Variants in VSIG10 observed in about 807,000 individuals in gnomAD.
The protein encoded by VSIG10 is V-set and immunoglobulin domain containing 10, also known as V-set and immunoglobulin domain-containing protein 10.
In VSIG10, 48 loss-of-function variants were observed where a neutral mutation model predicts 58.7. That is an observed-to-expected ratio of 0.82 (90% CI 0.65 to 1.04). The LOEUF (loss-of-function observed/expected upper bound fraction) is 1.04, where lower values mean the gene tolerates loss of function less well. Among genes scored for constraint, VSIG10 ranks in the 50% least tolerant of loss-of-function variants. The pLI is 0.00. For missense variants in VSIG10, 628 were observed against 670.0 expected, an observed-to-expected ratio of 0.94 and a Z score of 0.69; for synonymous variants, 260 against 267.1, an observed-to-expected ratio of 0.97 and a Z score of 0.26.
chr12:118,067,182 C>T (rs982763140), intron 8 of VSIG10, among the ~76,000 whole-genome samples: 2 of 151,938 alleles, frequency 1.3e-5, no homozygotes, highest in Admixed American at 6.6e-5. Context: ...ATGCCACACA[C>T]CCAGCTAATT....
chr12:118,098,623 A>G (rs867814547), intron 1 of VSIG10, among the ~76,000 whole-genome samples: 1 of 152,162 alleles, frequency 6.6e-6, no homozygotes, highest in Non-Finnish European at 1.5e-5. Context: ...AAGGCCTCAG[A>G]GAAAGGGCTC....
Position 118,095,457 on chromosome 12 carries a change from T to C in VSIG10, c.361+76A>G, listed in dbSNP as rs2033420010. The stretch of plus-strand genomic sequence containing the variant: ...CCAGGCCATCCGAACCCAAAACCCA[T>C]ATTCCTGACCATGGTCTCCTCCTTT... On this transcript the variant is annotated intron_variant, in intron 2 of 8. Transcript: ENST00000359236. The C allele has an allele frequency of 3.8e-6, 6 of 1,568,500 alleles. No homozygotes were observed. The East Asian group carries it at 6.7e-5, about 18-fold the overall frequency.
In VSIG10 at chr12:118,100,354, G is replaced by A. The variant is rs558968235; in HGVS notation, c.79+3239C>T. ...CTACTAAAAATACAAAAAGTTAGCC[G>A]GGCGTGGTGGCGCACACCTGTAATC... On this transcript the variant is annotated intron_variant, in intron 1 of 8. Transcript: ENST00000359236. Among the ~76,000 whole-genome samples the A allele has an allele frequency of 2.5e-3, 382 of 152,198 alleles. 1 individual carries two copies. Among genetic ancestry groups the A allele is most frequent in the African/African-American group, 8.8e-3 (365 of 41,564 alleles).
chr12:118,068,732 G>T (rs1356681122), intron 7 of VSIG10, 135 bp from the exon 8 acceptor site: 5 of 1,158,086 alleles, frequency 4.3e-6, no homozygotes, highest in Non-Finnish European at 5.9e-6. Context: ...GAAGTAATGA[G>T]GTGATGGTGT....
chr12:118,073,039 G>A lies in VSIG10; in HGVS notation c.1219+660C>T, dbSNP rs540502436. 3.3e-5 allele frequency among the ~76,000 whole-genome samples: 5 copies of A among 150,440 alleles called. 1 individual carries two copies. The highest frequency in any genetic ancestry group is 4.2e-4 in the South Asian group (2 of 4,708). On this transcript the variant is annotated intron_variant, in intron 5 of 8. Coordinates refer to ENST00000359236, the MANE Select transcript of VSIG10 (RefSeq NM_019086.6). ...CACCCAAGCTGAAGTGCAGTGGTGT[G>A]ATCTCGGCTCACTGCAACCTTCGCC...
rs2032175992 is a variant in VSIG10, at chr12:118,064,350, T to G, written c.*2289A>C. On this transcript the variant is annotated 3_prime_UTR_variant, in exon 9 of 9. Transcript: ENST00000359236. ...AGTGGAAAAACCCTCAAATATTTCC[T>G]ATCAACAGATGTGTGTGCTAGAGAA... 1 of 151,922 alleles carries G rather than the reference T, an allele frequency of 6.6e-6. No individual in the cohort carries two copies. 9.4% of individuals were successfully genotyped at this position (151,922 alleles called of 1,614,324 possible). A position where few individuals can be genotyped will look rare whatever the true frequency, so the allele number is the denominator to read the frequency against.
At chr12:118,099,163 C>T (rs1048644150) in intron 1 of VSIG10, among the ~76,000 whole-genome samples, 4 of 152,012 alleles carry the variant, frequency 2.6e-5, no homozygotes, top group Non-Finnish European at 4.4e-5. Flanking sequence ...CTGAGGTGGG[C>T]GGATCACTTG....
intron 5 of VSIG10, 103 bp downstream of exon 5, chr12:118,073,596 G>A: frequency 7.4e-7 from 1 of 1,347,414 alleles, no homozygotes; most frequent in Non-Finnish European, 1.0e-6. Flanking sequence ...CTCCCAGTTG[G>A]CAGTGACCCA....
Position 118,066,450 on chromosome 12 carries a change from CA to C in VSIG10, c.*188del. The stretch of plus-strand genomic sequence containing the variant: ...ATCATTGGGAAAACTTAGAGCAAAT[CA>C]AACCAATGTTTTTCAATACATGGAA... On this transcript the variant is annotated 3_prime_UTR_variant, in exon 9 of 9. Transcript: ENST00000359236. 1 of 637,708 alleles carries C rather than the reference CA, an allele frequency of 1.6e-6. No individual in the cohort carries two copies. 39.5% of individuals were successfully genotyped at this position (637,708 alleles called of 1,614,324 possible).
intron 3 of VSIG10, among the ~76,000 whole-genome samples, chr12:118,079,919 G>A (rs1322214091): frequency 2.0e-5 from 3 of 152,070 alleles, no homozygotes; most frequent in African/African-American, 4.8e-5. Context: ...CTGTAACCTC[G>A]ACCTCCCAGG....
At position 118,095,576 on chromosome 12, in the gene VSIG10, G is replaced by C. The variant is rs1178695902; in HGVS notation, c.318C>G (p.Ile106Met). The change falls in exon 2 of 9, where the codon ATC (isoleucine) becomes ATG (methionine). Residue 106 changes from isoleucine (I) to methionine (M), a missense_variant. By Grantham distance (10) the Ile-to-Met change is conservative. Transcript: ENST00000359236. ...GDEGIYTCQE[I>M]LNVTQWFQVW... ...CTTGGAACCACTGAGTCACATTCAG[G>C]ATCTCCTGGCAGGTGTAGATTCCCT... is the stretch of plus-strand genomic sequence containing the variant. 6.2e-7 allele frequency: 1 copy of C among 1,613,892 alleles called. No homozygotes were observed. Among genetic ancestry groups the C allele is most frequent in the Non-Finnish European group, 8.5e-7 (1 of 1,179,872 alleles).
intron 3 of VSIG10, 86 bp downstream of exon 3, chr12:118,082,040 AC>A: frequency 1.7e-6 from 2 of 1,206,712 alleles, no homozygotes; most frequent in South Asian, 1.8e-5. Flanking sequence ...AAAAAAAAAG[AC>A]AAATGGGAGA....
chr12:118,075,162 G>GTA (rs113376533), intron 4 of VSIG10, among the ~76,000 whole-genome samples: 25,871 of 85,282 alleles, frequency 0.3, 2,330 homozygotes, highest in Admixed American at 0.35. Flanking sequence ...GTATATATAT[G>GTA]TATATATATG....
rs1330867632 is a variant in VSIG10, at chr12:118,064,632, G to A, written c.*2007C>T. The A allele has an allele frequency of 6.6e-6, 1 of 152,120 alleles. No individual in the cohort carries two copies. Among genetic ancestry groups the A allele is most frequent in the Non-Finnish European group, 1.5e-5 (1 of 68,040 alleles). The allele number at this position is 152,120 out of a possible 1,614,324, so 9.4% of individuals were successfully genotyped here. A position where few individuals can be genotyped will look rare whatever the true frequency, so the allele number is the denominator to read the frequency against. The stretch of plus-strand genomic sequence containing the variant: ...GACACTGATTTACACTGTTGAGAAT[G>A]GTTAAGTACGTGGGGTACCTTGCAG... On this transcript the variant is annotated 3_prime_UTR_variant, in exon 9 of 9. Coordinates refer to ENST00000359236, the MANE Select transcript of VSIG10 (RefSeq NM_019086.6).
In VSIG10 at chr12:118,078,955, AAAAAAAAAAAAAAT is replaced by A. The variant is rs1486784367; in HGVS notation, c.925+377_925+390del. 4.8e-5 allele frequency among the ~76,000 whole-genome samples: 7 copies of A among 146,292 alleles called. 1 individual carries two copies. The East Asian group carries it at 1.0e-3, about 21-fold the overall frequency. On this transcript the variant is annotated intron_variant, in intron 4 of 8. Coordinates refer to ENST00000359236, the MANE Select transcript of VSIG10 (RefSeq NM_019086.6). Reference sequence around the variant, plus strand: ...CTCTGCCTAAAAAAAAAAAAAAAAAAAAAAAAAAAAAAATTTTCTTTATAAACTACCCAGCCTCA... The same window carrying A: ...CTCTGCCTAAAAAAAAAAAAAAAAAATTTCTTTATAAACTACCCAGCCTCA...
In VSIG10 at chr12:118,068,522, TTCCTCCTCCTCC is replaced by T. The variant is rs67582641; in HGVS notation, c.1410_1421del (p.Glu471_Glu474del). On this transcript the variant is annotated inframe_deletion, in exon 8 of 9. Coordinates refer to ENST00000359236, the MANE Select transcript of VSIG10 (RefSeq NM_019086.6). ...CCTCCTGTTCCCCTACTGCAGCATC[TTCCTCCTCCTCC>T]TCCTCCTCCTCCTCTTCCTCTTCTG... 1.1e-5 allele frequency: 17 copies of T among 1,602,398 alleles called. No homozygotes were observed. Among genetic ancestry groups the T allele is most frequent in the East Asian group, 9.1e-5 (4 of 44,060 alleles).
Position 118,082,184 on chromosome 12 carries a change from C to A in VSIG10, c.607G>T (p.Ala203Ser), listed in dbSNP as rs1362457747. The A allele has an allele frequency of 6.2e-7, 1 of 1,613,934 alleles. No individual in the cohort carries two copies. The highest frequency in any genetic ancestry group is 8.5e-7 in the Non-Finnish European group (1 of 1,179,878). Residue 203 changes from alanine to serine, a missense_variant, in exon 3 of 9, where the codon GCC (alanine) becomes TCC (serine). Transcript: ENST00000359236. ...PNLQGNYTCL[A>S]LNQLSKRHRK... ...TGTCTCTTGCTGAGCTGATTCAAGG[C>A]TAAACAGGTGTAGTTCCCTTGGAGG...
At chr12:118,070,764 A>T (rs930460772) in intron 7 of VSIG10, among the ~76,000 whole-genome samples, 4 of 152,134 alleles carry the variant, frequency 2.6e-5, no homozygotes, top group African/African-American at 9.7e-5. Flanking sequence ...AATTGATTAG[A>T]CCTGGACCTG....
At position 118,068,418 on chromosome 12, in the gene VSIG10, C is replaced by G. The variant is rs1325785024; in HGVS notation, c.1526G>C (p.Gly509Ala). The G allele has an allele frequency of 6.2e-7, 1 of 1,613,700 alleles. No homozygotes were observed. Among genetic ancestry groups the G allele is most frequent in the Non-Finnish European group, 8.5e-7 (1 of 1,179,850 alleles). Residue 509 changes from glycine (G) to alanine (A), a missense_variant, in exon 8 of 9, where the codon GGG becomes GCG. Coordinates refer to ENST00000359236, the MANE Select transcript of VSIG10 (RefSeq NM_019086.6). ...HIHRVTALVN[G>A]NIEQMGNGFQ... ...TCCATTTCCCATCTGTTCTATGTTC[C>G]CATTCACCAAGGCGGTCACTCTGTG...
Sources: allele counts gnomAD v4.1 joint callset (sites outside exome capture counted in the v4.1 genomes callset), GRCh38; gene constraint gnomAD v4.1.1; transcripts MANE v1.5; gene names NCBI Gene and HGNC (gene_info 2026-07-23, HGNC 2026-07-21).